CUX2: variants seen among roughly 807,000 people sequenced by gnomAD.
The protein encoded by CUX2 is cut like homeobox 2.
A neutral mutation model predicts 144.8 loss-of-function variants in CUX2; 40 were observed. The ratio of observed to expected loss-of-function variants is 0.28; its 90% CI spans 0.21 to 0.36. The LOEUF is 0.36. CUX2 is among the 10% of genes least tolerant of loss of function. The pLI is 1.00. For synonymous variants in CUX2, 827 were observed against 875.6 expected (o/e 0.94, Z 0.98); for missense variants, 1,615 against 1,994.0 (o/e 0.81, Z 3.62).
chr12:111,063,142 C>G (rs1870855538), intron 1 of CUX2, among the ~76,000 whole-genome samples: 1 of 152,164 alleles, frequency 6.6e-6, no homozygotes, highest in Admixed American at 6.5e-5. Flanking sequence ...GTCTGGCCTC[C>G]CTGGGCATCC....
At chr12:111,290,983 C>G (rs940431348) in intron 4 of CUX2, among the ~76,000 whole-genome samples, 6 of 152,120 alleles carry the variant, frequency 3.9e-5, no homozygotes, top group Admixed American at 3.3e-4. Flanking sequence ...CTGCTTCAGC[C>G]TCCCGAATAG....
chr12:111,283,537 C>A (rs1885232774), intron 4 of CUX2, among the ~76,000 whole-genome samples: 1 of 152,164 alleles, frequency 6.6e-6, no homozygotes. Flanking sequence ...TCGGCGTGCT[C>A]AGATAACCCC....
intron 3 of CUX2, among the ~76,000 whole-genome samples, chr12:111,237,046 G>A (rs932388240): frequency 6.6e-5 from 10 of 152,200 alleles, no homozygotes; most frequent in African/African-American, 2.4e-4. Context: ...CTACTTGGGA[G>A]GCTGAGGTAG....
chr12:111,190,894 T>C lies in CUX2; in HGVS notation c.64-23306T>C, dbSNP rs1879835649. Among the ~76,000 whole-genome samples, 1 of 152,178 alleles carries C rather than the reference T, an allele frequency of 6.6e-6. No homozygotes were observed. Among genetic ancestry groups the C allele is most frequent in the African/African-American group, 2.4e-5 (1 of 41,448 alleles). On this transcript the variant is annotated intron_variant, in intron 1 of 21. Coordinates refer to ENST00000261726, the MANE Select transcript of CUX2 (RefSeq NM_015267.4). This position sits in a 1 kb window ranked among gnomAD's most constrained non-coding sequence, Gnocchi z 4.0. ...AAGGACCCTCCTCACACTCACCTCC[T>C]GTTCGATGCTGGTCTCCAGCCACCT... is the stretch of plus-strand genomic sequence containing the variant.
At chr12:111,247,345 A>T (rs1244566578) in intron 3 of CUX2, among the ~76,000 whole-genome samples, 1 of 152,218 alleles carries the variant, frequency 6.6e-6, no homozygotes, top group Admixed American at 6.5e-5. Context: ...ACGCTGCTAT[A>T]TTTAAAAGCC....
chr12:111,348,199 G>C lies in CUX2; in HGVS notation c.4335G>C (p.Leu1445Phe). 6.2e-7 allele frequency: 1 copy of C among 1,614,034 alleles called. No homozygotes were observed. ...ASPTADMAGA[L>F]HPSAKVNPNL... ...CCACTGCTGACATGGCTGGAGCCTT[G>C]CACCCCAGTGCCAAGGTGAACCCCA... Residue 1445 changes from leucine to phenylalanine, a missense_variant, in exon 22 of 22, where the codon TTG becomes TTC. Physicochemically the swap from Leu to Phe is conservative, Grantham distance 22. This residue lies in a region of CUX2 where 298 missense variants were observed against 330.4 expected (regional missense o/e 0.90). Transcript: ENST00000261726.
intron 1 of CUX2, among the ~76,000 whole-genome samples, chr12:111,213,906 G>A (rs1406698930): frequency 6.6e-6 from 1 of 151,464 alleles, no homozygotes; most frequent in African/African-American, 2.4e-5. Context: ...GCAGGGGGTG[G>A]GGGGAAGAGA....
intron 1 of CUX2, chr12:111,099,619 G>A (rs1873078540): frequency 2.2e-6 from 1 of 456,740 alleles, no homozygotes; most frequent in Non-Finnish European, 4.4e-6. Flanking sequence ...GATTGGACCT[G>A]CAGGGATCCT....
rs996387791 is a variant in CUX2, at chr12:111,312,648, C to T, written c.2002+447C>T. On this transcript the variant is annotated intron_variant, in intron 16 of 21. Transcript: ENST00000261726. This position sits in a 1 kb window ranked among gnomAD's most constrained non-coding sequence, Gnocchi z 4.3. ...CCGGGAGGCGGAGGTTGCAGTGAGC[C>T]GAGATCACACCACTGCACTCCAGCC... Among the ~76,000 whole-genome samples the T allele has an allele frequency of 2.6e-5, 4 of 151,086 alleles. 1 individual carries two copies. The highest frequency in any genetic ancestry group is 3.9e-4 in the East Asian group (2 of 5,128).
chr12:111,286,109 A>G (rs1356962365), intron 4 of CUX2, among the ~76,000 whole-genome samples: 1 of 152,212 alleles, frequency 6.6e-6, no homozygotes, highest in Non-Finnish European at 1.5e-5. Flanking sequence ...GGACTGATGC[A>G]TACAGGTGAA....
intron 4 of CUX2, among the ~76,000 whole-genome samples, chr12:111,278,352 T>C (rs538196132): frequency 6.6e-6 from 1 of 152,270 alleles, no homozygotes; most frequent in Admixed American, 6.5e-5. Flanking sequence ...GCCCAGGAAG[T>C]CGAGGCTGCA....
rs115223966 is a variant in CUX2, at chr12:111,167,996, C to T, written c.64-46204C>T. ...GTTGTGAGCCACTGCGCTCAGGGTACGCCCTGTTTTATCCCCATTTTACAG... is the reference window on the plus strand; with the variant it reads ...GTTGTGAGCCACTGCGCTCAGGGTATGCCCTGTTTTATCCCCATTTTACAG... On this transcript the variant is annotated intron_variant, in intron 1 of 21. Coordinates refer to ENST00000261726, the MANE Select transcript of CUX2 (RefSeq NM_015267.4). Among the ~76,000 whole-genome samples the T allele has an allele frequency of 8.7e-3, 1,329 of 152,220 alleles. 16 individuals are homozygous for T. Among genetic ancestry groups the T allele is most frequent in the African/African-American group, 0.031 (1,271 of 41,526 alleles).
intron 20 of CUX2, among the ~76,000 whole-genome samples, chr12:111,340,261 CT>C (rs2136445195): frequency 6.6e-6 from 1 of 152,286 alleles, no homozygotes; most frequent in Admixed American, 6.5e-5. Context: ...ACCCTCATAC[CT>C]TCTTTCATTC....
chr12:111,325,514 G>C (rs1200652155), intron 18 of CUX2, among the ~76,000 whole-genome samples: 2 of 152,172 alleles, frequency 1.3e-5, no homozygotes, highest in African/African-American at 4.8e-5. Flanking sequence ...CCTAGGATGA[G>C]CACCCTGGGC....
At chr12:111,138,570 A>G (rs572268800) in intron 1 of CUX2, among the ~76,000 whole-genome samples, 1 of 151,992 alleles carries the variant, frequency 6.6e-6, no homozygotes, top group Non-Finnish European at 1.5e-5. Context: ...GACTGCTACC[A>G]TTTGGCTTCT....
chr12:111,095,023 T>TG (rs1872737814), intron 1 of CUX2, among the ~76,000 whole-genome samples: 6 of 152,106 alleles, frequency 3.9e-5, no homozygotes, highest in Admixed American at 3.9e-4. Context: ...AGTGTCTGTC[T>TG]CCTCCTATTT....
chr12:111,149,506 C>T (rs1876905925), intron 1 of CUX2, among the ~76,000 whole-genome samples: 1 of 152,096 alleles, frequency 6.6e-6, no homozygotes, highest in Non-Finnish European at 1.5e-5. Flanking sequence ...AGTAGCACAC[C>T]GCCCCCCACA....
chr12:111,348,912 T>C lies in CUX2; in HGVS notation c.*587T>C, dbSNP rs1042938723. 2.0e-5 allele frequency: 3 copies of C among 152,738 alleles called. No homozygotes were observed. 9.5% of individuals were successfully genotyped at this position (152,738 alleles called of 1,614,324 possible). On this transcript the variant is annotated 3_prime_UTR_variant, in exon 22 of 22. Coordinates refer to ENST00000261726, the MANE Select transcript of CUX2 (RefSeq NM_015267.4). ...CTGTCTGTGAGACACAGCGCAATGC[T>C]ACTGCCCTTCCAGAAACTGTGCTAA...
intron 3 of CUX2, among the ~76,000 whole-genome samples, chr12:111,219,443 C>T (rs1438127143): frequency 6.6e-6 from 1 of 151,998 alleles, no homozygotes. Context: ...GAGAGCTGCT[C>T]AGCACACAAG....
Sources: allele counts gnomAD v4.1 joint callset (sites outside exome capture counted in the v4.1 genomes callset), GRCh38; gene constraint gnomAD v4.1.1; regional missense constraint gnomAD v4.1.1; non-coding constraint Gnocchi (gnomAD v3.1); transcripts MANE v1.5; gene names NCBI Gene and HGNC (gene_info 2026-07-23, HGNC 2026-07-21).